RAB28: variants seen among roughly 807,000 people sequenced by gnomAD.
RAB28 encodes ras-related protein Rab-28.
RAB28 carries 24 observed loss-of-function variants against 31.7 expected under a neutral mutation model. The ratio of observed to expected loss-of-function variants is 0.76; its 90% CI spans 0.55 to 1.06. The LOEUF is 1.06. RAB28 is among the 50% of genes least tolerant of loss of function. The pLI is 0.00. For missense variants in RAB28, 254 were observed against 258.5 expected, an observed-to-expected ratio of 0.98 and a Z score of 0.12; for synonymous variants, 100 against 90.4, an observed-to-expected ratio of 1.11 and a Z score of -0.60.
intron 4 of RAB28, among the ~76,000 whole-genome samples, chr4:13,410,276 G>A (rs897918729): frequency 1.4e-4 from 22 of 152,162 alleles, no homozygotes; most frequent in South Asian, 6.2e-4. Context: ...TGATAAACAC[G>A]TATAAAGGAA....
chr4:13,381,719 G>A, intron 4 of RAB28, 125 bp from the exon 5 acceptor site: 1 of 613,160 alleles, frequency 1.6e-6, no homozygotes, highest in Non-Finnish European at 2.8e-6. Flanking sequence ...GTGCAACCTT[G>A]GACAATTTAT....
intron 3 of RAB28, among the ~76,000 whole-genome samples, chr4:13,469,997 A>AAGTTTTGACCAGG (rs770159126): frequency 5.9e-5 from 9 of 152,074 alleles, no homozygotes; most frequent in Non-Finnish European, 1.0e-4. Context: ...GACTTGACAG[A>AAGTTTTGACCAGG]AGTTTTGAAA....
At chr4:13,423,301 C>T (rs1469842728) in intron 4 of RAB28, among the ~76,000 whole-genome samples, 1 of 151,986 alleles carries the variant, frequency 6.6e-6, no homozygotes, top group Non-Finnish European at 1.5e-5. Context: ...TTTAGGAGGC[C>T]AAGGAGGGTG....
At chr4:13,382,583 T>C (rs1013428522) in intron 4 of RAB28, among the ~76,000 whole-genome samples, 3 of 152,002 alleles carry the variant, frequency 2.0e-5, no homozygotes, top group Admixed American at 1.3e-4. Flanking sequence ...TAAAATTATA[T>C]TGAAAGTCTT....
chr4:13,383,326 T>C (rs1158549721), intron 4 of RAB28, among the ~76,000 whole-genome samples: 2 of 152,158 alleles, frequency 1.3e-5, no homozygotes, highest in Non-Finnish European at 2.9e-5. Flanking sequence ...TTAATGTGTG[T>C]GTACATTTGT....
intron 6 of RAB28, among the ~76,000 whole-genome samples, chr4:13,373,789 G>C (rs1349810085): frequency 1.3e-5 from 2 of 152,080 alleles, no homozygotes; most frequent in African/African-American, 4.8e-5. Context: ...AATTATTATA[G>C]TAGAGCATCA....
intron 4 of RAB28, among the ~76,000 whole-genome samples, chr4:13,407,623 A>G (rs887165981): frequency 1.3e-5 from 2 of 152,182 alleles, no homozygotes; most frequent in Non-Finnish European, 2.9e-5. Flanking sequence ...CGCGATATTG[A>G]TTCTTCCTAT....
intron 4 of RAB28, among the ~76,000 whole-genome samples, chr4:13,438,893 G>C (rs1057290957): frequency 6.6e-6 from 1 of 152,118 alleles, no homozygotes; most frequent in African/African-American, 2.4e-5. Flanking sequence ...ATTTCTACTG[G>C]ACAATATATG....
intron 4 of RAB28, among the ~76,000 whole-genome samples, chr4:13,431,033 G>A (rs924758972): frequency 6.6e-6 from 1 of 152,204 alleles, no homozygotes; most frequent in Non-Finnish European, 1.5e-5. Flanking sequence ...ATGCCTCAAA[G>A]AAAGTGTCTT....
chr4:13,428,363 AAAG>A (rs1713626672), intron 4 of RAB28, among the ~76,000 whole-genome samples: 1 of 152,216 alleles, frequency 6.6e-6, no homozygotes. Context: ...CCAAAGTAAA[AAAG>A]AAGAAAATCC....
intron 4 of RAB28, among the ~76,000 whole-genome samples, chr4:13,449,550 A>AAC (rs1714859346): frequency 6.6e-6 from 1 of 151,922 alleles, no homozygotes; most frequent in Non-Finnish European, 1.5e-5. Flanking sequence ...TCCAATGTAA[A>AAC]ACATCACTTC....
chr4:13,429,665 A>G (rs1713701550), intron 4 of RAB28, among the ~76,000 whole-genome samples: 2 of 152,210 alleles, frequency 1.3e-5, no homozygotes, highest in Admixed American at 1.3e-4. Flanking sequence ...CCTCATGTTA[A>G]TAGATCGGAA....
At chr4:13,483,783 C>G (rs1716729668) in intron 1 of RAB28, among the ~76,000 whole-genome samples, 2 of 152,194 alleles carry the variant, frequency 1.3e-5, no homozygotes, top group South Asian at 4.1e-4. Context: ...CTTGGCAAAT[C>G]CCTGCCAGTC....
chr4:13,478,944 T>C (rs1716486511), intron 2 of RAB28, among the ~76,000 whole-genome samples: 1 of 151,588 alleles, frequency 6.6e-6, no homozygotes, highest in African/African-American at 2.4e-5. Flanking sequence ...ATGCCAGCAA[T>C]TTCATGCTGC....
intron 1 of RAB28, among the ~76,000 whole-genome samples, chr4:13,480,398 A>G (rs1181575751): frequency 6.6e-6 from 1 of 151,940 alleles, no homozygotes; most frequent in African/African-American, 2.4e-5. Context: ...CAACTTCACT[A>G]AGCTTTTATG....
Position 13,482,287 on chromosome 4 carries a change from T to A in RAB28, c.75+1789A>T, listed in dbSNP as rs181814592. On this transcript the variant is annotated intron_variant, in intron 1 of 6. Transcript: ENST00000330852. ...GAGGAAACATGTATGATAGGCTAAA[T>A]AAAAAACTCAGACGCAAAATTATGA... 3.0e-4 allele frequency among the ~76,000 whole-genome samples: 46 copies of A among 152,218 alleles called. 1 individual carries two copies. In the East Asian group the frequency reaches 8.9e-3, roughly 29 times the overall value.
At chr4:13,464,836 G>T (rs28803526) in intron 3 of RAB28, among the ~76,000 whole-genome samples, 11,010 of 152,030 alleles carry the variant, frequency 0.072, 942 homozygotes, top group African/African-American at 0.21. Flanking sequence ...ATCAGAACAA[G>T]ACTCAGATAT....
intron 2 of RAB28, among the ~76,000 whole-genome samples, chr4:13,474,846 C>T (rs1716277850): frequency 1.3e-5 from 2 of 151,550 alleles, no homozygotes; most frequent in Non-Finnish European, 3.0e-5. Context: ...GCTTCTAAAA[C>T]TCATGGAATA....
intron 3 of RAB28, among the ~76,000 whole-genome samples, chr4:13,471,705 C>T (rs1041423370): frequency 6.6e-6 from 1 of 151,850 alleles, no homozygotes; most frequent in Non-Finnish European, 1.5e-5. Flanking sequence ...CTCAGAATTC[C>T]CAGTTTTGTC....
Sources: gnomAD v4.1 joint callset for allele counts (sites outside exome capture counted in the v4.1 genomes callset) on GRCh38, gnomAD v4.1.1 for gene constraint, MANE v1.5 for transcripts, NCBI Gene and HGNC (gene_info 2026-07-23, HGNC 2026-07-21) for gene names.